Variants in BAD observed in about 807,000 individuals in gnomAD.
BAD encodes bcl2-associated agonist of cell death.
BAD carries 18 observed loss-of-function variants against 17.8 expected under a neutral mutation model. That is an observed-to-expected ratio of 1.01 (90% CI 0.70 to 1.50). BAD has a LOEUF of 1.50. Ranked by LOEUF, BAD falls within the 40% of genes most tolerant of loss-of-function variation. BAD has a pLI of 0.00. For synonymous variants in BAD, 112 were observed against 91.5 expected, an observed-to-expected ratio of 1.22 and a Z score of -1.28; for missense variants, 294 against 239.3, an observed-to-expected ratio of 1.23 and a Z score of -1.51.
At chr11:64,276,151 A>G (rs2033037275) in intron 2 of BAD, among the ~76,000 whole-genome samples, 1 of 151,984 alleles carries the variant, frequency 6.6e-6, no homozygotes, top group African/African-American at 2.4e-5. Flanking sequence ...TCTGCCAGGA[A>G]CCTGTCCTAT....
rs1264387144 is a variant in BAD at position 64,271,873 on chromosome 11, C to G, written c.188-70G>C. The G allele has an allele frequency of 3.2e-6, 4 of 1,243,030 alleles. No homozygotes were observed. In the East Asian group the frequency reaches 1.3e-4, roughly 39 times the overall value. 77.0% of individuals were successfully genotyped at this position (1,243,030 alleles called of 1,614,324 possible). A position where few individuals can be genotyped will look rare whatever the true frequency, so the allele number is the denominator to read the frequency against. On this transcript the variant is annotated intron_variant, in intron 2 of 3. Coordinates refer to ENST00000309032, the MANE Select transcript of BAD (RefSeq NM_032989.3). Reference sequence around the variant, plus strand: ...CTCTAAGCCCCTGGCCCTGCCTGAACCCTCCCCATCAGCTCTGCAGGCCCA... The same window carrying G: ...CTCTAAGCCCCTGGCCCTGCCTGAAGCCTCCCCATCAGCTCTGCAGGCCCA...
At chr11:64,283,300 G>C (rs891382249) in intron 2 of BAD, among the ~76,000 whole-genome samples, 41 of 152,158 alleles carry the variant, frequency 2.7e-4, no homozygotes, top group African/African-American at 9.7e-4. Context: ...GCTCAAGCCA[G>C]CCTCCTGAGT....
At chr11:64,283,794 CTA>C (rs151169982) in intron 2 of BAD, among the ~76,000 whole-genome samples, 7 of 150,800 alleles carry the variant, frequency 4.6e-5, no homozygotes, top group Middle Eastern at 3.5e-3. Context: ...CTAATAGCTG[CTA>C]TATATATATA....
intron 2 of BAD, among the ~76,000 whole-genome samples, chr11:64,278,751 T>C (rs2033232780): frequency 6.6e-6 from 1 of 152,188 alleles, no homozygotes; most frequent in African/African-American, 2.4e-5. Flanking sequence ...ACAAGGTGGC[T>C]GCAGTCCCTG....
At chr11:64,282,233 A>G (rs2033526356) in intron 2 of BAD, among the ~76,000 whole-genome samples, 1 of 152,064 alleles carries the variant, frequency 6.6e-6, no homozygotes, top group African/African-American at 2.4e-5. Flanking sequence ...GTGAATGCTG[A>G]GTGTGTGTGG....
rs919269601 is a variant in BAD, at chr11:64,271,629, A to G, written c.362T>C (p.Phe121Ser). The G allele has an allele frequency of 7.3e-6, 11 of 1,500,136 alleles. No individual in the cohort carries two copies. The highest frequency in any genetic ancestry group is 1.7e-4 in the Middle Eastern group (1 of 5,806). The allele number at this position is 1,500,136 out of a possible 1,614,324, so 92.9% of individuals were successfully genotyped here. A position where few individuals can be genotyped will look rare whatever the true frequency, so the allele number is the denominator to read the frequency against. ...GGCGCTCACCTTAAAGGAGTCCACA[A>G]ACTCGTCACTCATCCTCCGGAGCTC... ...GRELRRMSDE[F>S]VDSFKKGLPR... Residue 121 changes from phenylalanine (F) to serine (S), a missense_variant, in exon 3 of 4, where the codon TTT becomes TCT. Coordinates refer to ENST00000309032, the MANE Select transcript of BAD (RefSeq NM_032989.3).
chr11:64,270,505 T>G (rs548314021), intron 3 of BAD, 168 bp from the exon 4 acceptor site: 1 of 894,420 alleles, frequency 1.1e-6, no homozygotes, highest in East Asian at 2.6e-5. Context: ...CGAGGACGCA[T>G]GGGCCCCCAG....
chr11:64,270,898 G>GACACACACAC lies in BAD; in HGVS notation c.379-562_379-561insGTGTGTGTGT, dbSNP rs1491175311. Among the ~76,000 whole-genome samples the GACACACACAC allele has an allele frequency of 4.1e-4, 36 of 86,944 alleles. 4 individuals are homozygous for GACACACACAC. The highest frequency in any genetic ancestry group is 1.4e-3 in the South Asian group (3 of 2,132). The allele number at this position is 86,944 out of a possible 152,430, so 57.0% of individuals were successfully genotyped here. The stretch of plus-strand genomic sequence containing the variant: ...GACTACAGATCCCAGCATGCCCTGT[G>GACACACACAC]AGACACACACACACACACACACACA... On this transcript the variant is annotated intron_variant, in intron 3 of 3. Transcript: ENST00000309032.
At chr11:64,277,157 G>A (rs1468558) in intron 2 of BAD, 30,968 of 600,638 alleles carry the variant, frequency 0.052, 3,811 homozygotes, top group African/African-American at 0.33. Flanking sequence ...GTGAAGCTCT[G>A]CCATCAGGCA....
intron 2 of BAD, 53 bp from the exon 3 acceptor site, chr11:64,271,856 C>T: frequency 7.7e-7 from 1 of 1,306,306 alleles, no homozygotes; most frequent in Non-Finnish European, 9.8e-7. Context: ...TCCTCTAAGC[C>T]CCTGGCCCTG....
At position 64,270,088 on chromosome 11, in the gene BAD, T is replaced by C; in HGVS notation, c.*121A>G. 1 of 1,511,288 alleles carries C rather than the reference T, an allele frequency of 6.6e-7. No homozygotes were observed. The highest frequency in any genetic ancestry group is 9.0e-7 in the Non-Finnish European group (1 of 1,108,174). 93.6% of individuals were successfully genotyped at this position (1,511,288 alleles called of 1,614,324 possible). On this transcript the variant is annotated 3_prime_UTR_variant, in exon 4 of 4. Transcript: ENST00000309032. ...GAAGGGAATCTGGGTCAGCCCTCCC[T>C]CCAAAGGAGACAGCACGGATCCTCT... is the stretch of plus-strand genomic sequence containing the variant.
intron 2 of BAD, chr11:64,276,859 G>A: frequency 1.3e-6 from 1 of 741,982 alleles, no homozygotes; most frequent in South Asian, 1.4e-5. Context: ...TGGAAGTGGA[G>A]GGTAGTGGCT....
At chr11:64,270,366 G>A (rs1448666257) in intron 3 of BAD, 29 bp from the exon 4 acceptor site, 1 of 1,522,690 alleles carries the variant, frequency 6.6e-7, no homozygotes, top group Non-Finnish European at 8.8e-7. Context: ...GGTTACATGA[G>A]TTAGATTACC....
At chr11:64,281,534 A>G (rs1348768616) in intron 2 of BAD, among the ~76,000 whole-genome samples, 1 of 151,240 alleles carries the variant, frequency 6.6e-6, no homozygotes, top group Non-Finnish European at 1.5e-5. Flanking sequence ...CCTTTCCTAA[A>G]CCCCCTCCCC....
intron 2 of BAD, among the ~76,000 whole-genome samples, chr11:64,283,646 C>T (rs1425404257): frequency 1.3e-5 from 2 of 152,224 alleles, no homozygotes; most frequent in Non-Finnish European, 2.9e-5. Flanking sequence ...AAGCATGTAG[C>T]CTGGGGCAGG....
chr11:64,283,298 C>A (rs1405703939), intron 2 of BAD, among the ~76,000 whole-genome samples: 1 of 152,154 alleles, frequency 6.6e-6, no homozygotes. Flanking sequence ...GGGCTCAAGC[C>A]AGCCTCCTGA....
At chr11:64,274,389 G>GAA (rs58134629) in intron 2 of BAD, among the ~76,000 whole-genome samples, 1 of 105,502 alleles carries the variant, frequency 9.5e-6, no homozygotes, top group African/African-American at 3.6e-5. Context: ...TCTACCTCGA[G>GAA]AAAAAAAAAA....
chr11:64,271,544 A>T (rs1188255303), intron 3 of BAD, 69 bp downstream of exon 3: 1 of 1,342,824 alleles, frequency 7.4e-7, no homozygotes, highest in Admixed American at 3.6e-5. Context: ...CCTTGGGACA[A>T]GGCAGGGACA....
intron 2 of BAD, among the ~76,000 whole-genome samples, chr11:64,281,418 T>C (rs1198919286): frequency 6.6e-6 from 1 of 152,236 alleles, no homozygotes; most frequent in African/African-American, 2.4e-5. Context: ...ACTCTCTGAA[T>C]GTCTAAATCT....
Sources: gnomAD v4.1 joint callset for allele counts (sites outside exome capture counted in the v4.1 genomes callset) on GRCh38, gnomAD v4.1.1 for gene constraint, MANE v1.5 for transcripts, NCBI Gene and HGNC (gene_info 2026-07-23, HGNC 2026-07-21) for gene names.